PPAT: variants seen among roughly 807,000 people sequenced by gnomAD.
The protein encoded by PPAT is amidophosphoribosyltransferase.
Under a neutral mutation model 60.2 loss-of-function variants are expected in PPAT, and 20 were observed. The ratio of observed to expected loss-of-function variants is 0.33; its 90% CI spans 0.23 to 0.48. PPAT has a LOEUF of 0.48. Among genes scored for constraint, PPAT ranks in the 20% least tolerant of loss-of-function variants. The pLI is 0.99. For synonymous variants in PPAT, 194 were observed against 215.1 expected (o/e 0.90, Z 0.86); for missense variants, 349 against 629.6 (o/e 0.55, Z 4.77).
At chr4:56,423,746 T>C (rs956587419) in intron 1 of PPAT, among the ~76,000 whole-genome samples, 13 of 152,062 alleles carry the variant, frequency 8.5e-5, no homozygotes, top group Non-Finnish European at 1.9e-4. Flanking sequence ...AAATGCATAG[T>C]CATCCTAGAG....
intron 3 of PPAT, among the ~76,000 whole-genome samples, chr4:56,405,936 G>A (rs1716230526): frequency 6.6e-6 from 1 of 152,196 alleles, no homozygotes; most frequent in Admixed American, 6.5e-5. Context: ...TGAAGTGCGG[G>A]ACAATCTTGT....
rs1470278781 is a variant in PPAT, at chr4:56,394,088, T to G, written c.*1264A>C. ...GGTAACATAACAGAAACAAACACTT[T>G]TATGTTTAAAAATTCTTACATAAAC... is the stretch of plus-strand genomic sequence containing the variant. On this transcript the variant is annotated 3_prime_UTR_variant, in exon 11 of 11. Transcript: ENST00000264220. 2 of 152,226 alleles carry G rather than the reference T, an allele frequency of 1.3e-5. No homozygotes were observed. Among genetic ancestry groups the G allele is most frequent in the Non-Finnish European group, 2.9e-5 (2 of 68,038 alleles). The allele number at this position is 152,226 out of a possible 1,614,324, so 9.4% of individuals were successfully genotyped here. A position where few individuals can be genotyped will look rare whatever the true frequency, so the allele number is the denominator to read the frequency against.
chr4:56,431,042 G>T (rs931327658), intron 1 of PPAT, among the ~76,000 whole-genome samples: 6 of 151,914 alleles, frequency 3.9e-5, no homozygotes, highest in African/African-American at 1.5e-4. Flanking sequence ...TTATTTTAAA[G>T]CAAGAATCAC....
Position 56,394,668 on chromosome 4 carries a change from CTTAA to C in PPAT, c.*680_*683del, listed in dbSNP as rs1390332746. ...ATGTCTCCTTCCATCATAATGAAAT[CTTAA>C]TTAATTGTAAACTAATTTCAAAAAG... is the stretch of plus-strand genomic sequence containing the variant. On this transcript the variant is annotated 3_prime_UTR_variant, in exon 11 of 11. Transcript: ENST00000264220. 7 of 152,072 alleles carry C rather than the reference CTTAA, an allele frequency of 4.6e-5. No homozygotes were observed. Among genetic ancestry groups the C allele is most frequent in the South Asian group, 2.1e-4 (1 of 4,826 alleles). 9.4% of individuals were successfully genotyped at this position (152,072 alleles called of 1,614,324 possible). A position where few individuals can be genotyped will look rare whatever the true frequency, so the allele number is the denominator to read the frequency against.
chr4:56,400,707 G>C, intron 8 of PPAT, 77 bp downstream of exon 8: 2 of 1,399,198 alleles, frequency 1.4e-6, no homozygotes, highest in Non-Finnish European at 1.9e-6. Context: ...ATGTTGATGA[G>C]TTTCTCTTTA....
At chr4:56,418,070 C>T (rs976280214) in intron 1 of PPAT, among the ~76,000 whole-genome samples, 3 of 152,070 alleles carry the variant, frequency 2.0e-5, no homozygotes, top group Non-Finnish European at 4.4e-5. Context: ...ATCTCCTGAC[C>T]TCGTGATCCT....
chr4:56,409,230 T>C (rs1716342264), intron 1 of PPAT, among the ~76,000 whole-genome samples: 1 of 152,228 alleles, frequency 6.6e-6, no homozygotes, highest in Non-Finnish European at 1.5e-5. Context: ...TTTCCCATTG[T>C]CACACAGACA....
intron 10 of PPAT, among the ~76,000 whole-genome samples, chr4:56,395,749 G>T (rs997502838): frequency 6.6e-6 from 1 of 151,662 alleles, no homozygotes; most frequent in African/African-American, 2.4e-5. Context: ...GGAATCTAGG[G>T]GATAACATAA....
At chr4:56,431,187 T>C (rs1176867288) in intron 1 of PPAT, among the ~76,000 whole-genome samples, 1 of 152,176 alleles carries the variant, frequency 6.6e-6, no homozygotes, top group African/African-American at 2.4e-5. Flanking sequence ...TTAAACACTA[T>C]AGGAATGTTA....
chr4:56,417,142 C>T (rs1716795869), intron 1 of PPAT, among the ~76,000 whole-genome samples: 1 of 152,222 alleles, frequency 6.6e-6, no homozygotes, highest in South Asian at 2.1e-4. Context: ...AGCCACTGCA[C>T]CCGGCCGCTT....
intron 1 of PPAT, among the ~76,000 whole-genome samples, chr4:56,410,200 A>C (rs1476455550): frequency 1.3e-5 from 2 of 152,228 alleles, no homozygotes; most frequent in Non-Finnish European, 2.9e-5. Flanking sequence ...AATTTTTAAA[A>C]ATCAACAATC....
intron 9 of PPAT, among the ~76,000 whole-genome samples, chr4:56,398,551 GC>G: frequency 6.6e-6 from 1 of 151,344 alleles, no homozygotes; most frequent in Admixed American, 6.6e-5. Flanking sequence ...CTGGGCTCAA[GC>G]CATCCTCCCA....
intron 1 of PPAT, chr4:56,408,246 C>T (rs185354024): frequency 1.2e-3 from 185 of 153,068 alleles, no homozygotes; most frequent in South Asian, 2.9e-3. Context: ...ACCATCCTGG[C>T]CAACATGGTG....
chr4:56,418,586 T>G (rs1201795372), intron 1 of PPAT, among the ~76,000 whole-genome samples: 4 of 152,184 alleles, frequency 2.6e-5, no homozygotes, highest in African/African-American at 9.7e-5. Context: ...CCCAAAGTAC[T>G]GGGATTACAG....
Position 56,394,614 on chromosome 4 carries a change from CAA to C in PPAT, c.*736_*737del, listed in dbSNP as rs1230749704. 6.6e-6 allele frequency: 1 copy of C among 152,088 alleles called. No homozygotes were observed. Among genetic ancestry groups the C allele is most frequent in the African/African-American group, 2.4e-5 (1 of 41,422 alleles). The allele number at this position is 152,088 out of a possible 1,614,324, so 9.4% of individuals were successfully genotyped here. On this transcript the variant is annotated 3_prime_UTR_variant, in exon 11 of 11. Transcript: ENST00000264220. ...TTTTACAACCCTTTTTAGGACATCT[CAA>C]AGAGAGATGGCAAAGATCTGCCAAT...
chr4:56,407,286 T>C (rs1716263166), intron 2 of PPAT, among the ~76,000 whole-genome samples: 1 of 152,072 alleles, frequency 6.6e-6, no homozygotes, highest in Non-Finnish European at 1.5e-5. Flanking sequence ...TGATCATCTG[T>C]CTTTGTTATC....
At chr4:56,403,485 A>C in intron 3 of PPAT, 84 bp from the exon 4 acceptor site, 1 of 1,039,374 alleles carries the variant, frequency 9.6e-7, no homozygotes, top group Non-Finnish European at 1.4e-6. Flanking sequence ...TAATGAAAAT[A>C]AGGCATTCTG....
intron 3 of PPAT, among the ~76,000 whole-genome samples, chr4:56,404,543 T>C (rs908385297): frequency 1.3e-5 from 2 of 152,026 alleles, no homozygotes; most frequent in African/African-American, 4.8e-5. Context: ...CTACAGAACA[T>C]TTTCAGTAGG....
At position 56,395,222 on chromosome 4, in the gene PPAT, C is replaced by A; in HGVS notation, c.*130G>T. The A allele has an allele frequency of 4.6e-6, 4 of 860,452 alleles. No individual in the cohort carries two copies. The highest frequency in any genetic ancestry group is 3.6e-5 in the Admixed American group (1 of 28,018). 53.3% of individuals were successfully genotyped at this position (860,452 alleles called of 1,614,324 possible). A position where few individuals can be genotyped will look rare whatever the true frequency, so the allele number is the denominator to read the frequency against. ...TCCTTTTCAGAAAAAAAAAAAATCT[C>A]AAAACTTATAAACATAAGCATGGCA... On this transcript the variant is annotated 3_prime_UTR_variant, in exon 11 of 11. Coordinates refer to ENST00000264220, the MANE Select transcript of PPAT (RefSeq NM_002703.5).
Sources: allele counts gnomAD v4.1 joint callset (sites outside exome capture counted in the v4.1 genomes callset), GRCh38; gene constraint gnomAD v4.1.1; transcripts MANE v1.5; gene names NCBI Gene and HGNC (gene_info 2026-07-23, HGNC 2026-07-21).